SNTG2: variants seen among roughly 807,000 people sequenced by gnomAD.
The protein encoded by SNTG2 is syntrophin gamma 2.
A neutral mutation model predicts 70.9 loss-of-function variants in SNTG2; 74 were observed. The observed-to-expected ratio is 1.04, with a 90% CI of 0.86 to 1.27. The LOEUF (loss-of-function observed/expected upper bound fraction) is 1.27, where lower values mean the gene tolerates loss of function less well. SNTG2 is among the 50% of genes most tolerant of loss of function. The probability of loss-of-function intolerance (pLI) is 0.00; values close to 1 mark genes in which losing one functional copy is unlikely to be tolerated. For missense variants in SNTG2, 717 were observed against 690.7 expected (o/e 1.04, Z -0.43); for synonymous variants, 278 against 273.8 (o/e 1.02, Z -0.15).
chr2:1,135,720 C>G (rs967680186), intron 4 of SNTG2, among the ~76,000 whole-genome samples: 2 of 152,212 alleles, frequency 1.3e-5, no homozygotes, highest in African/African-American at 4.8e-5. Context: ...AAGACTCTGT[C>G]TCAAAACAAA....
chr2:1,349,575 G>T (rs146844238), intron 16 of SNTG2, among the ~76,000 whole-genome samples: 3 of 152,226 alleles, frequency 2.0e-5, no homozygotes, highest in Non-Finnish European at 4.4e-5. Flanking sequence ...AAATTCCTGT[G>T]TTCTGAGCTG....
intron 12 of SNTG2, among the ~76,000 whole-genome samples, chr2:1,250,736 T>TTTC (rs1020288584): frequency 1.3e-5 from 2 of 151,150 alleles, no homozygotes; most frequent in African/African-American, 4.9e-5. Flanking sequence ...TCTCTTTGTC[T>TTTC]TTCTCTCTGT....
intron 16 of SNTG2, among the ~76,000 whole-genome samples, chr2:1,364,737 CAAAAAAA>C (rs371977526): frequency 0.035 from 4,581 of 131,978 alleles, 233 homozygotes; most frequent in African/African-American, 0.12. Flanking sequence ...CTAAAAATAC[CAAAAAAA>C]AAAAAAAAAA....
At chr2:1,089,464 G>A (rs183055707) in intron 2 of SNTG2, among the ~76,000 whole-genome samples, 113 of 152,216 alleles carry the variant, frequency 7.4e-4, no homozygotes, top group African/African-American at 2.7e-3. Flanking sequence ...GTGAAACCCC[G>A]TTTCTACTAA....
At chr2:1,216,688 C>T (rs192560768) in intron 9 of SNTG2, among the ~76,000 whole-genome samples, 1 of 152,322 alleles carries the variant, frequency 6.6e-6, no homozygotes, top group African/African-American at 2.4e-5. Flanking sequence ...ATGCTGGAGG[C>T]ACAGACAGGA....
At chr2:1,223,748 G>A (rs1479774989) in intron 9 of SNTG2, among the ~76,000 whole-genome samples, 4 of 152,154 alleles carry the variant, frequency 2.6e-5, no homozygotes, top group Non-Finnish European at 4.4e-5. Context: ...GAGACCTTCA[G>A]GGTGTACATG....
intron 11 of SNTG2, chr2:1,242,835 G>A (rs1026381953): frequency 6.6e-6 from 1 of 151,982 alleles, no homozygotes; most frequent in African/African-American, 2.4e-5. Flanking sequence ...TTATAGAAAT[G>A]GTATCAGAAA....
intron 6 of SNTG2, among the ~76,000 whole-genome samples, chr2:1,158,712 T>C (rs945633419): frequency 2.0e-5 from 3 of 152,056 alleles, no homozygotes; most frequent in Non-Finnish European, 4.4e-5. Flanking sequence ...GTTACAGTGA[T>C]GGATCTTGGA....
intron 1 of SNTG2, among the ~76,000 whole-genome samples, chr2:1,022,560 T>G (rs1409860396): frequency 6.6e-6 from 1 of 152,116 alleles, no homozygotes; most frequent in African/African-American, 2.4e-5. Context: ...TTCCCCTGAA[T>G]CCCTGAGTTC....
intron 1 of SNTG2, among the ~76,000 whole-genome samples, chr2:993,683 T>C (rs1235225121): frequency 2.6e-5 from 4 of 152,184 alleles, no homozygotes; most frequent in Non-Finnish European, 5.9e-5. Context: ...TGCATGTTAC[T>C]ACTAAAACTT....
At chr2:1,274,315 A>G (rs1679182169) in intron 14 of SNTG2, among the ~76,000 whole-genome samples, 1 of 152,260 alleles carries the variant, frequency 6.6e-6, no homozygotes, top group South Asian at 2.1e-4. Context: ...TGTAAACAAC[A>G]ATAACTAAAA....
intron 1 of SNTG2, among the ~76,000 whole-genome samples, chr2:973,946 C>T (rs2147959215): frequency 6.6e-6 from 1 of 152,296 alleles, no homozygotes; most frequent in Admixed American, 6.5e-5. Flanking sequence ...GTCTCTTACA[C>T]ACTTGAACAT....
At chr2:1,179,278 A>G (rs914433124) in intron 8 of SNTG2, among the ~76,000 whole-genome samples, 1 of 152,068 alleles carries the variant, frequency 6.6e-6, no homozygotes, top group African/African-American at 2.4e-5. Context: ...TAATTTTTTG[A>G]AGGGTTTTTT....
At chr2:1,069,122 T>C (rs6751259) in intron 1 of SNTG2, among the ~76,000 whole-genome samples, 26,994 of 152,202 alleles carry the variant, frequency 0.18, 2,477 homozygotes, top group South Asian at 0.22. Context: ...GTTTATTATC[T>C]CGAGTCATAA....
chr2:1,005,806 AATATATATATATATAT>A (rs56246912), intron 1 of SNTG2, among the ~76,000 whole-genome samples: 45 of 31,188 alleles, frequency 1.4e-3, no homozygotes, highest in Non-Finnish European at 1.6e-3. Context: ...TCTGCCTCAA[AATATATATATATATAT>A]ATATATATAT....
intron 4 of SNTG2, among the ~76,000 whole-genome samples, chr2:1,125,623 T>G (rs1484217993): frequency 6.6e-6 from 1 of 152,258 alleles, no homozygotes; most frequent in Admixed American, 6.5e-5. Flanking sequence ...ATACTTTAGA[T>G]GGACATGCTA....
intron 14 of SNTG2, among the ~76,000 whole-genome samples, chr2:1,292,671 C>T (rs1401109595): frequency 6.6e-6 from 1 of 152,088 alleles, no homozygotes; most frequent in Non-Finnish European, 1.5e-5. Flanking sequence ...TATGTCAAAC[C>T]ATCCTTTCAT....
chr2:1,009,613 G>T (rs1284934733), intron 1 of SNTG2, among the ~76,000 whole-genome samples: 1 of 116,590 alleles, frequency 8.6e-6, no homozygotes, highest in Non-Finnish European at 1.8e-5. Context: ...GAAGACTGCT[G>T]GTTCTGATAC....
intron 1 of SNTG2, among the ~76,000 whole-genome samples, chr2:1,071,417 C>T (rs1048424174): frequency 2.0e-5 from 3 of 146,834 alleles, no homozygotes; most frequent in Admixed American, 6.9e-5. Flanking sequence ...AACCAAACAC[C>T]GCATATTCTC....
Sources: allele counts gnomAD v4.1 joint callset (sites outside exome capture counted in the v4.1 genomes callset), GRCh38; gene constraint gnomAD v4.1.1; transcripts MANE v1.5; gene names NCBI Gene and HGNC (gene_info 2026-07-23, HGNC 2026-07-21).